Variants in IL18BP observed in about 807,000 individuals in gnomAD.
IL18BP encodes interleukin-18-binding protein.
A neutral mutation model predicts 19.9 loss-of-function variants in IL18BP; 23 were observed. That is an observed-to-expected ratio of 1.15 (90% CI 0.83 to 1.64). IL18BP has a LOEUF of 1.64. IL18BP is among the 40% of genes most tolerant of loss of function. The pLI is 0.00. For missense variants in IL18BP, 239 were observed against 240.7 expected (o/e 0.99, Z 0.05); for synonymous variants, 107 against 101.0 (o/e 1.06, Z -0.35).
rs1241700478 is a variant in IL18BP, at chr11:72,002,535, T to C, written c.*674T>C. ...AAAGGATTATTCAATGGAGGCATCC[T>C]GACATCTGTTCATTTAGGCTTCAGT... On this transcript the variant is annotated 3_prime_UTR_variant, in exon 6 of 6. Transcript: ENST00000393703. 6.5e-6 allele frequency: 1 copy of C among 153,370 alleles called. No homozygotes were observed. The highest frequency in any genetic ancestry group is 1.5e-5 in the Non-Finnish European group (1 of 68,756). The allele number at this position is 153,370 out of a possible 1,614,324, so 9.5% of individuals were successfully genotyped here. A position where few individuals can be genotyped will look rare whatever the true frequency, so the allele number is the denominator to read the frequency against.
At chr11:72,005,914 GAGCTGGATGGT>G (rs1955652840), downstream of IL18BP, 1 of 808,162 alleles carries the variant, frequency 1.2e-6, no homozygotes, top group African/African-American at 1.7e-5. Context: ...GGGGCAGGTG[GAGCTGGATGGT>G]AGCAAGGAGG....
rs376598754 is a variant in IL18BP, at chr11:72,001,397, C to T, written c.360-8C>T. The T allele has an allele frequency of 6.8e-6, 11 of 1,613,948 alleles. No homozygotes were observed. The highest frequency in any genetic ancestry group is 2.2e-5 in the East Asian group (1 of 44,894). On this transcript the variant is annotated splice_region_variant and splice_polypyrimidine_tract_variant and intron_variant, in intron 4 of 5. Transcript: ENST00000393703. ...CTTCTCATGACCTTTCCTTCCCTTC[C>T]GCTCCAGCCGGGAACGTGGGAGCAC...
chr11:72,001,476 A>C lies in IL18BP; in HGVS notation c.431A>C (p.His144Pro). 1 of 1,614,158 alleles carries C rather than the reference A, an allele frequency of 6.2e-7. No individual in the cohort carries two copies. Among genetic ancestry groups the C allele is most frequent in the Non-Finnish European group, 8.5e-7 (1 of 1,180,020 alleles). ...LVLEQLTPAL[H>P]STNFSCVLVD... ...CTGGAGCAGCTGACCCCTGCCCTGC[A>C]CAGCACCAACTTCTCCTGTGTGCTC... The change falls in exon 5 of 6, where the codon CAC becomes CCC. Residue 144 changes from histidine to proline, a missense_variant. By Grantham distance (77) the His-to-Pro change is moderately conservative. Coordinates refer to ENST00000393703, the MANE Select transcript of IL18BP (RefSeq NM_001039660.2).
At chr11:72,003,688 C>CAGCT, downstream of IL18BP, 1 of 1,105,118 alleles carries the variant, frequency 9.0e-7, no homozygotes, top group Non-Finnish European at 1.3e-6. Flanking sequence ...TGTGCCTGAG[C>CAGCT]AGCTCTGGGT....
Position 71,998,920 on chromosome 11 carries a change from G to A in IL18BP, c.-158G>A, listed in dbSNP as rs1955067848. Reference sequence around the variant, plus strand: ...GAAGTGCTCTCGGTGTATTTCCTGTGGTGGGTTCACACGCAGCTAGACACA... The same window carrying A: ...GAAGTGCTCTCGGTGTATTTCCTGTAGTGGGTTCACACGCAGCTAGACACA... On this transcript the variant is annotated 5_prime_UTR_variant, in exon 1 of 6. Transcript: ENST00000393703. 2 of 182,012 alleles carry A rather than the reference G, an allele frequency of 1.1e-5. No homozygotes were observed. Among genetic ancestry groups the A allele is most frequent in the South Asian group, 1.7e-4 (2 of 11,984 alleles). 11.3% of individuals were successfully genotyped at this position (182,012 alleles called of 1,614,324 possible).
chr11:72,004,090 G>A (rs113245212), downstream of IL18BP: 31 of 1,612,810 alleles, frequency 1.9e-5, no homozygotes, highest in African/African-American at 1.1e-4. Context: ...ATCGACTGGC[G>A]CCGGTCAGCC....
chr11:71,999,701 T>C (rs1040063009), intron 1 of IL18BP: 5 of 447,734 alleles, frequency 1.1e-5, no homozygotes, highest in Non-Finnish European at 2.0e-5. Flanking sequence ...AATTTTGCCT[T>C]CCCTAATGAA....
At chr11:71,999,151 G>A (rs775225799) in intron 1 of IL18BP, 132 bp downstream of exon 1, 3 of 517,420 alleles carry the variant, frequency 5.8e-6, no homozygotes, top group Non-Finnish European at 1.2e-5. Flanking sequence ...GGGGGAGTGG[G>A]TAGCCTGGGA....
downstream of IL18BP, chr11:72,006,185 GGCTAGCCTGGGA>G (rs1283308365): frequency 6.2e-7 from 1 of 1,614,054 alleles, no homozygotes; most frequent in Non-Finnish European, 8.5e-7. Context: ...GTGGCTCGCA[GGCTAGCCTGGGA>G]AGCAGGAGCA....
downstream of IL18BP, chr11:72,006,182 G>A: frequency 1.2e-6 from 2 of 1,614,122 alleles, no homozygotes; most frequent in Non-Finnish European, 1.7e-6. Flanking sequence ...GAGGTGGCTC[G>A]CAGGCTAGCC....
downstream of IL18BP, chr11:72,006,234 G>A: frequency 1.2e-6 from 2 of 1,614,162 alleles, no homozygotes; most frequent in Non-Finnish European, 1.7e-6. Context: ...ACGATGAGTT[G>A]GCGCTGTCTG....
At chr11:72,004,068 A>G (rs754423773), downstream of IL18BP, 1 of 1,613,250 alleles carries the variant, frequency 6.2e-7, no homozygotes, top group African/African-American at 1.3e-5. Context: ...TGTGTTGAGG[A>G]TGCTGAAGGC....
chr11:72,004,413 TCA>T, downstream of IL18BP: 1 of 1,428,488 alleles, frequency 7.0e-7, no homozygotes, highest in Admixed American at 1.8e-5. Flanking sequence ...TCTTGTCCTC[TCA>T]GAGCTGAGTG....
At chr11:72,004,369 C>G (rs746147892), downstream of IL18BP, 5 of 1,592,778 alleles carry the variant, frequency 3.1e-6, no homozygotes, top group South Asian at 2.2e-5. Context: ...GTTAGGCAGA[C>G]AGTAGCAAGA....
chr11:72,000,273 CTG>C lies in IL18BP; in HGVS notation c.29-77_29-76del, dbSNP rs1955140498. ...TTCCCTGGCTAGAACCCAGACATCTCTGGGCTGGAGTTACATCCTTACCCGGG... is the reference window on the plus strand; with the variant it reads ...TTCCCTGGCTAGAACCCAGACATCTCGGCTGGAGTTACATCCTTACCCGGG... On this transcript the variant is annotated intron_variant, in intron 2 of 5. Coordinates refer to ENST00000393703, the MANE Select transcript of IL18BP (RefSeq NM_001039660.2). 3 of 1,311,948 alleles carry C rather than the reference CTG, an allele frequency of 2.3e-6. No individual in the cohort carries two copies. In the Admixed American group the frequency reaches 5.1e-5, roughly 22 times the overall value. The allele number at this position is 1,311,948 out of a possible 1,614,324, so 81.3% of individuals were successfully genotyped here.
Position 72,000,109 on chromosome 11 carries a change from A to G in IL18BP, c.28+97A>G, listed in dbSNP as rs5743665. 3,055 of 1,343,814 alleles carry G rather than the reference A, an allele frequency of 2.3e-3. 57 individuals are homozygous for G. The African/African-American group carries it at 0.039, about 17-fold the overall frequency. The allele number at this position is 1,343,814 out of a possible 1,614,324, so 83.2% of individuals were successfully genotyped here. A position where few individuals can be genotyped will look rare whatever the true frequency, so the allele number is the denominator to read the frequency against. On this transcript the variant is annotated intron_variant, in intron 2 of 5. Transcript: ENST00000393703. The stretch of plus-strand genomic sequence containing the variant: ...ACCCGGAGCCTTCACTCCAAGGCAA[A>G]CCACCCAGCGCACCTGGTGCTGTTG...
At chr11:72,003,184 TC>T (rs1039085654), downstream of IL18BP, 2 of 386,158 alleles carry the variant, frequency 5.2e-6, no homozygotes, top group Admixed American at 4.0e-5. Flanking sequence ...CCCTTCTAGA[TC>T]CAGAGGCTAA....
At chr11:72,004,078 C>T (rs5743685), downstream of IL18BP, 8 of 1,613,052 alleles carry the variant, frequency 5.0e-6, no homozygotes, top group African/African-American at 5.3e-5. Context: ...ATGCTGAAGG[C>T]CATCGACTGG....
Position 72,002,140 on chromosome 11 carries a change from A to G in IL18BP, c.*279A>G, listed in dbSNP as rs550403070. ...TACTCCTCACACTGCTCTACTGCTC[A>G]GAAACCACCAAGACTGTTGATGCCT... is the stretch of plus-strand genomic sequence containing the variant. On this transcript the variant is annotated 3_prime_UTR_variant, in exon 6 of 6. Transcript: ENST00000393703. 9 of 532,858 alleles carry G rather than the reference A, an allele frequency of 1.7e-5. No homozygotes were observed. In the African/African-American group the frequency reaches 1.7e-4, roughly 10 times the overall value. The allele number at this position is 532,858 out of a possible 1,614,324, so 33.0% of individuals were successfully genotyped here. A position where few individuals can be genotyped will look rare whatever the true frequency, so the allele number is the denominator to read the frequency against.
Sources: allele counts gnomAD v4.1 joint callset, GRCh38; gene constraint gnomAD v4.1.1; transcripts MANE v1.5; gene names NCBI Gene and HGNC (gene_info 2026-07-23, HGNC 2026-07-21).